The following GTF2A1L variants were observed in gnomAD, a reference collection of about 807,000 sequenced individuals.
GTF2A1L encodes the protein general transcription factor IIA subunit 1 like.
A neutral mutation model predicts 49.7 loss-of-function variants in GTF2A1L; 48 were observed. The observed-to-expected ratio is 0.97, with a 90% CI of 0.77 to 1.23. The LOEUF is 1.23. Ranked by LOEUF, GTF2A1L falls within the 50% of genes most tolerant of loss-of-function variation. The pLI is 0.00. For synonymous variants in GTF2A1L, 246 were observed against 193.5 expected (o/e 1.27, Z -2.25); for missense variants, 736 against 564.8 (o/e 1.30, Z -3.07).
chr2:48,663,125 A>G lies in GTF2A1L; in HGVS notation c.979-6597A>G, dbSNP rs1678616346. 2.0e-5 allele frequency among the ~76,000 whole-genome samples: 3 copies of G among 152,146 alleles called. No individual in the cohort carries two copies. The South Asian group carries it at 6.2e-4, about 32-fold the overall frequency. On this transcript the variant is annotated intron_variant, in intron 6 of 8. Coordinates refer to ENST00000403751, the MANE Select transcript of GTF2A1L (RefSeq NM_006872.5). ...GAGGTCTCCCTTGTAGATAGATTAA[A>G]ATATTACGCATTCTAAACTGAAACT...
intron 3 of GTF2A1L, chr2:48,633,249 C>A: frequency 5.9e-6 from 1 of 168,964 alleles, no homozygotes. Context: ...TATCTTCTTC[C>A]CCACCCCCCC....
At chr2:48,679,312 G>A (rs372152237) in intron 8 of GTF2A1L, 23 bp from the exon 9 acceptor site, 48 of 1,601,732 alleles carry the variant, frequency 3.0e-5, no homozygotes, top group Non-Finnish European at 3.9e-5. Flanking sequence ...ATTAATTAAT[G>A]TAAACTACTT....
At chr2:48,631,479 A>C (rs941572797) in intron 3 of GTF2A1L, among the ~76,000 whole-genome samples, 1 of 151,882 alleles carries the variant, frequency 6.6e-6, no homozygotes, top group African/African-American at 2.4e-5. Context: ...CATCTTTGTC[A>C]TTTCTGACTG....
chr2:48,649,677 C>T (rs148109400), intron 6 of GTF2A1L, among the ~76,000 whole-genome samples: 1 of 152,316 alleles, frequency 6.6e-6, no homozygotes, highest in Non-Finnish European at 1.5e-5. Context: ...CACTCTCTTC[C>T]TGGTGGCTTC....
At chr2:48,640,290 C>G (rs56897995) in intron 3 of GTF2A1L, among the ~76,000 whole-genome samples, 6,076 of 152,216 alleles carry the variant, frequency 0.04, 393 homozygotes, top group African/African-American at 0.14. Flanking sequence ...GGGAATCAAC[C>G]TAAATGCTCA....
At chr2:48,675,254 C>T (rs1055711293) in intron 8 of GTF2A1L, among the ~76,000 whole-genome samples, 1 of 152,114 alleles carries the variant, frequency 6.6e-6, no homozygotes, top group African/African-American at 2.4e-5. Flanking sequence ...ATCAGTTCCT[C>T]TGGGAAACTA....
intron 3 of GTF2A1L, among the ~76,000 whole-genome samples, chr2:48,638,630 G>A (rs778428723): frequency 1.3e-5 from 2 of 152,062 alleles, no homozygotes; most frequent in Admixed American, 1.3e-4. Context: ...ACTGAATGGG[G>A]AAAAGCTGAA....
chr2:48,672,018 A>C (rs1679195770), intron 8 of GTF2A1L, among the ~76,000 whole-genome samples: 1 of 152,252 alleles, frequency 6.6e-6, no homozygotes, highest in African/African-American at 2.4e-5. Flanking sequence ...AATGTAATCA[A>C]ATGCTAAGAT....
chr2:48,665,054 T>A (rs1286371802), intron 6 of GTF2A1L, among the ~76,000 whole-genome samples: 1 of 152,052 alleles, frequency 6.6e-6, no homozygotes, highest in East Asian at 1.9e-4. Context: ...CCCGACTAGC[T>A]GGGATTACAG....
chr2:48,664,426 T>C (rs910217494), intron 6 of GTF2A1L, among the ~76,000 whole-genome samples: 10 of 152,144 alleles, frequency 6.6e-5, no homozygotes, highest in Non-Finnish European at 1.2e-4. Flanking sequence ...TGATTGATTT[T>C]TGAATGTTCA....
At chr2:48,662,070 C>T (rs1022017660) in intron 6 of GTF2A1L, among the ~76,000 whole-genome samples, 2 of 152,056 alleles carry the variant, frequency 1.3e-5, no homozygotes, top group Admixed American at 6.5e-5. Flanking sequence ...GTGGTTACCA[C>T]GGGTATTACA....
At chr2:48,655,124 T>C (rs971525975) in intron 6 of GTF2A1L, among the ~76,000 whole-genome samples, 3 of 152,070 alleles carry the variant, frequency 2.0e-5, no homozygotes, top group African/African-American at 4.8e-5. Flanking sequence ...TTCCAATTCA[T>C]GGACATAAGT....
At chr2:48,655,055 G>A (rs1047669507) in intron 6 of GTF2A1L, among the ~76,000 whole-genome samples, 2 of 151,974 alleles carry the variant, frequency 1.3e-5, no homozygotes, top group African/African-American at 4.8e-5. Flanking sequence ...AGACTGATTT[G>A]GGTTTGTGTT....
chr2:48,646,835 TTCTAATGTGGAG>T lies in GTF2A1L; in HGVS notation c.774_785del (p.Asn259_Ser262del), dbSNP rs767950159. On this transcript the variant is annotated inframe_deletion, in exon 6 of 9. Transcript: ENST00000403751. ...TTTCTCCACAGGTCTCTCAAACAAA[TTCTAATGTGGAG>T]TCAGTGCTCAGTGGTTCAGCTAGCA... 3.7e-5 allele frequency: 59 copies of T among 1,614,164 alleles called. No individual in the cohort carries two copies. In the Middle Eastern group the frequency reaches 9.9e-4, roughly 27 times the overall value.
chr2:48,642,583 G>A lies in GTF2A1L; in HGVS notation c.303+126G>A, dbSNP rs375542267. 4.4e-5 allele frequency: 37 copies of A among 840,040 alleles called. No homozygotes were observed. In the East Asian group the frequency reaches 9.9e-4, roughly 22 times the overall value. 52.0% of individuals were successfully genotyped at this position (840,040 alleles called of 1,614,324 possible). ...AAAGTGAAAAGATGTGGCCGGGCGC[G>A]GTGGCTCACGCCTGTAATTCCAGCA... On this transcript the variant is annotated intron_variant, in intron 4 of 8. Coordinates refer to ENST00000403751, the MANE Select transcript of GTF2A1L (RefSeq NM_006872.5).
intron 1 of GTF2A1L, 38 bp from the exon 2 acceptor site, chr2:48,620,813 A>G (rs1465281515): frequency 4.4e-6 from 5 of 1,139,642 alleles, no homozygotes; most frequent in Admixed American, 3.3e-5. Context: ...AAATAAATAA[A>G]TAAATAAAAT....
Position 48,669,921 on chromosome 2 carries a change from A to T in GTF2A1L, c.1178A>T (p.Asn393Ile), listed in dbSNP as rs1461002955. 1.2e-6 allele frequency: 2 copies of T among 1,614,108 alleles called. No individual in the cohort carries two copies. The highest frequency in any genetic ancestry group is 2.2e-5 in the East Asian group (1 of 44,850). ...GAAGAAGAAGCTGACAGTATTTCAAATGAGGATTCAGCCACAAACAGTAGT... is the reference window on the plus strand; with the variant it reads ...GAAGAAGAAGCTGACAGTATTTCAATTGAGGATTCAGCCACAAACAGTAGT... ...VPEEEADSIS[N>I]EDSATNSSDN... Residue 393 changes from asparagine to isoleucine, a missense_variant, in exon 7 of 9, where the codon AAT becomes ATT. Physicochemically the swap from Asn to Ile is moderately radical, Grantham distance 149. Transcript: ENST00000403751.
chr2:48,642,189 A>C (rs1437916579), intron 3 of GTF2A1L, among the ~76,000 whole-genome samples: 2 of 152,186 alleles, frequency 1.3e-5, no homozygotes, highest in Non-Finnish European at 2.9e-5. Flanking sequence ...ATTTTCTTTC[A>C]GCACTTAAAG....
Position 48,634,376 on chromosome 2 carries a change from G to T in GTF2A1L, c.248-8026G>T, listed in dbSNP as rs557216045. Among the ~76,000 whole-genome samples the T allele has an allele frequency of 4.9e-3, 743 of 152,278 alleles. 7 individuals are homozygous for T. Among genetic ancestry groups the T allele is most frequent in the African/African-American group, 0.018 (728 of 41,546 alleles). ...TCTGCCTGCCTCGGCCTCCCAAAGTGTTGGGATTACAGGCATGAGCCACTG... is the reference window on the plus strand; with the variant it reads ...TCTGCCTGCCTCGGCCTCCCAAAGTTTTGGGATTACAGGCATGAGCCACTG... On this transcript the variant is annotated intron_variant, in intron 3 of 8. Coordinates refer to ENST00000403751, the MANE Select transcript of GTF2A1L (RefSeq NM_006872.5).
Sources: allele counts gnomAD v4.1 joint callset (sites outside exome capture counted in the v4.1 genomes callset), GRCh38; gene constraint gnomAD v4.1.1; transcripts MANE v1.5; gene names NCBI Gene and HGNC (gene_info 2026-07-23, HGNC 2026-07-21).